The following YES1 variants were observed in gnomAD, a reference collection of about 807,000 sequenced individuals.
YES1 encodes YES proto-oncogene 1, Src family tyrosine kinase.
In YES1, 39 loss-of-function variants were observed where a neutral mutation model predicts 70.4. The observed-to-expected ratio is 0.55, with a 90% CI of 0.43 to 0.72. The LOEUF (loss-of-function observed/expected upper bound fraction) is 0.72. Ranked by LOEUF, YES1 falls within the 30% of genes least tolerant of loss-of-function variation. The pLI, the probability that YES1 is intolerant of heterozygous loss-of-function variation, is 0.00. For synonymous variants in YES1, 198 were observed against 218.6 expected, an observed-to-expected ratio of 0.91 and a Z score of 0.83; for missense variants, 495 against 644.8, an observed-to-expected ratio of 0.77 and a Z score of 2.52.
At position 756,841 on chromosome 18, in the gene YES1, G is replaced by A. The variant is rs1379220009; in HGVS notation, c.-8-6C>T. On this transcript the variant is annotated splice_polypyrimidine_tract_variant and splice_region_variant and intron_variant, in intron 1 of 11. Coordinates refer to ENST00000314574, the MANE Select transcript of YES1 (RefSeq NM_005433.4). ...AATGCAGCCCATTATCAAATCTACA[G>A]AGACAATAAAATATTTTGAGAGTCA... 2.5e-6 allele frequency: 4 copies of A among 1,607,762 alleles called. No individual in the cohort carries two copies. Among genetic ancestry groups the A allele is most frequent in the Admixed American group, 1.7e-5 (1 of 59,256 alleles).
chr18:790,138 G>A (rs1381557248), intron 1 of YES1, among the ~76,000 whole-genome samples: 1 of 152,188 alleles, frequency 6.6e-6, no homozygotes, highest in African/African-American at 2.4e-5. Flanking sequence ...CACTTTGGGA[G>A]ACCAAGGTGG....
At chr18:776,284 C>A (rs1905380781) in intron 1 of YES1, among the ~76,000 whole-genome samples, 1 of 151,812 alleles carries the variant, frequency 6.6e-6, no homozygotes, top group African/African-American at 2.4e-5. Context: ...ACCTCTGCCT[C>A]TGGGGTTCAA....
chr18:787,559 G>A (rs1017018893), intron 1 of YES1, among the ~76,000 whole-genome samples: 5 of 151,964 alleles, frequency 3.3e-5, no homozygotes, highest in Non-Finnish European at 7.4e-5. Context: ...AAAATACAAA[G>A]ATTGGCTGGG....
At chr18:749,891 T>G (rs1301796557) in intron 3 of YES1, among the ~76,000 whole-genome samples, 5 of 151,694 alleles carry the variant, frequency 3.3e-5, no homozygotes, top group Non-Finnish European at 7.4e-5. Flanking sequence ...CTAGAAATAT[T>G]CCAGTAAGAC....
At chr18:783,022 C>A (rs1422413947) in intron 1 of YES1, among the ~76,000 whole-genome samples, 2 of 151,528 alleles carry the variant, frequency 1.3e-5, no homozygotes, top group Non-Finnish European at 2.9e-5. Context: ...ATGCTGCAAA[C>A]AGACTACAAA....
chr18:744,689 CT>C lies in YES1; in HGVS notation c.724+1018del, dbSNP rs71174284. Among the ~76,000 whole-genome samples, 261 of 56,856 alleles carry C rather than the reference CT, an allele frequency of 4.6e-3. 1 individual carries two copies. Among genetic ancestry groups the C allele is most frequent in the African/African-American group, 0.011 (175 of 16,112 alleles). The allele number at this position is 56,856 out of a possible 152,430, so 37.3% of individuals were successfully genotyped here. On this transcript the variant is annotated intron_variant, in intron 6 of 11. Coordinates refer to ENST00000314574, the MANE Select transcript of YES1 (RefSeq NM_005433.4). Reference sequence around the variant, plus strand: ...ACAGGAGTGAGCCACCACGCCTGGCCTTTTTTTTTTTTTTTTTTTTTTTTTT... The same window carrying C: ...ACAGGAGTGAGCCACCACGCCTGGCCTTTTTTTTTTTTTTTTTTTTTTTTT...
intron 1 of YES1, among the ~76,000 whole-genome samples, chr18:784,094 C>T (rs1243074760): frequency 6.6e-6 from 1 of 152,150 alleles, no homozygotes; most frequent in Non-Finnish European, 1.5e-5. Context: ...TGTTGTCATA[C>T]ATATGGCCAA....
rs184576646 is a variant in YES1 at position 731,097 on chromosome 18, G to A, written c.1423+1737C>T. 1.4e-3 allele frequency among the ~76,000 whole-genome samples: 220 copies of A among 152,302 alleles called. 3 individuals are homozygous for A. The highest frequency in any genetic ancestry group is 5.1e-3 in the African/African-American group (213 of 41,562). On this transcript the variant is annotated intron_variant, in intron 11 of 11. Coordinates refer to ENST00000314574, the MANE Select transcript of YES1 (RefSeq NM_005433.4). The stretch of plus-strand genomic sequence containing the variant: ...TAGCATCAAGAAATTGCTAGGGTTG[G>A]GGTGGAGGGAGTTATCTGGAAAGAT...
intron 2 of YES1, among the ~76,000 whole-genome samples, chr18:754,286 A>G (rs1433677007): frequency 6.6e-6 from 1 of 152,158 alleles, no homozygotes; most frequent in Non-Finnish European, 1.5e-5. Context: ...TGTTTATACT[A>G]GTCTCCACAC....
At position 743,915 on chromosome 18, in the gene YES1, A is replaced by AT. The variant is rs201714713; in HGVS notation, c.725-501_725-500insA. ...AGTGAGATTCTGACTCGAAAAAAAA[A>AT]AAAATATATATATATATACATGTTA... On this transcript the variant is annotated intron_variant, in intron 6 of 11. Coordinates refer to ENST00000314574, the MANE Select transcript of YES1 (RefSeq NM_005433.4). 8.1e-3 allele frequency among the ~76,000 whole-genome samples: 1,198 copies of AT among 148,206 alleles called. 14 individuals carry two copies. The highest frequency in any genetic ancestry group is 0.026 in the African/African-American group (1,059 of 40,112).
chr18:742,732 C>G (rs1291863999), intron 8 of YES1, among the ~76,000 whole-genome samples, 186 bp downstream of exon 8: 1 of 152,134 alleles, frequency 6.6e-6, no homozygotes, highest in African/African-American at 2.4e-5. Flanking sequence ...TCCTTTTAAA[C>G]GTCATACTAT....
At chr18:778,470 A>G (rs182902941) in intron 1 of YES1, among the ~76,000 whole-genome samples, 1 of 152,330 alleles carries the variant, frequency 6.6e-6, no homozygotes, top group East Asian at 1.9e-4. Flanking sequence ...TTTTCAAATG[A>G]TTTAACACAT....
In YES1 at chr18:736,929, C is replaced by A; in HGVS notation, c.1170G>T (p.Met390Ile). ...CCCGAAGATCTCGGTGAATATAGTT[C>A]ATTCTTTCAATATATGCCATACCAT... Reference protein sequence around the residue: ...IADGMAYIERMNYIHRDLRAA... With the variant: ...IADGMAYIERINYIHRDLRAA... Residue 390 changes from methionine (M) to isoleucine (I), a missense_variant, in exon 10 of 12, where the codon ATG becomes ATT. Coordinates refer to ENST00000314574, the MANE Select transcript of YES1 (RefSeq NM_005433.4). 1 of 1,610,654 alleles carries A rather than the reference C, an allele frequency of 6.2e-7. No individual in the cohort carries two copies. Among genetic ancestry groups the A allele is most frequent in the South Asian group, 1.1e-5 (1 of 90,926 alleles).
intron 1 of YES1, among the ~76,000 whole-genome samples, chr18:791,251 G>GA (rs1165254118): frequency 2.2e-4 from 18 of 82,340 alleles, no homozygotes; most frequent in East Asian, 1.8e-3. Context: ...ACTTGAAGAA[G>GA]AAAAAAAAAA....
chr18:727,198 T>C (rs1027006461), intron 11 of YES1, among the ~76,000 whole-genome samples: 1 of 152,214 alleles, frequency 6.6e-6, no homozygotes, highest in Non-Finnish European at 1.5e-5. Context: ...TTTGTTTCCC[T>C]GTTGAACTGA....
chr18:743,436 T>C (rs3786348), intron 6 of YES1, 21 bp from the exon 7 acceptor site: 854,033 of 1,590,630 alleles, frequency 0.54, 231,496 homozygotes, highest in East Asian at 0.69. Flanking sequence ...GAATAAACTA[T>C]ACTGTAATAT....
At chr18:766,505 C>A (rs1332750257) in intron 1 of YES1, among the ~76,000 whole-genome samples, 1 of 150,848 alleles carries the variant, frequency 6.6e-6, no homozygotes, top group African/African-American at 2.4e-5. Flanking sequence ...GTATTCCCAA[C>A]TCTAATAGGA....
At chr18:738,393 G>A (rs1598894017) in intron 9 of YES1, 2 of 152,360 alleles carry the variant, frequency 1.3e-5, no homozygotes, top group African/African-American at 4.8e-5. Flanking sequence ...TTGGACTATA[G>A]TAAATAACAA....
intron 8 of YES1, among the ~76,000 whole-genome samples, chr18:740,657 G>A (rs997459240): frequency 6.6e-6 from 1 of 152,118 alleles, no homozygotes; most frequent in Non-Finnish European, 1.5e-5. Flanking sequence ...ATTATAAAGG[G>A]ACAAGTGCTA....
Sources: gnomAD v4.1 joint callset for allele counts (sites outside exome capture counted in the v4.1 genomes callset) on GRCh38, gnomAD v4.1.1 for gene constraint, MANE v1.5 for transcripts, NCBI Gene and HGNC (gene_info 2026-07-23, HGNC 2026-07-21) for gene names.